FKBP6: variants seen among roughly 807,000 people sequenced by gnomAD.
The protein encoded by FKBP6 is FKBP prolyl isomerase family member 6 (inactive).
A neutral mutation model predicts 41.7 loss-of-function variants in FKBP6; 29 were observed. The observed-to-expected ratio is 0.70, with a 90% CI of 0.52 to 0.95. The LOEUF (loss-of-function observed/expected upper bound fraction) is 0.95, where lower values mean the gene tolerates loss of function less well. FKBP6 is among the 40% of genes least tolerant of loss of function. The probability of loss-of-function intolerance (pLI) is 0.00; values close to 1 mark genes in which losing one functional copy is unlikely to be tolerated. For synonymous variants in FKBP6, 130 were observed against 165.1 expected, an observed-to-expected ratio of 0.79 and a Z score of 1.63; for missense variants, 338 against 408.7, an observed-to-expected ratio of 0.83 and a Z score of 1.49.
At chr7:73,353,952 C>T (rs1554551499) in intron 8 of FKBP6, among the ~76,000 whole-genome samples, 2 of 152,138 alleles carry the variant, frequency 1.3e-5, no homozygotes, top group Admixed American at 6.5e-5. Flanking sequence ...CCAGGCTGGT[C>T]TCAGACTCCT....
chr7:73,340,917 CTTTTTTTTTTTTTT>C (rs368227645), intron 6 of FKBP6, 85 bp downstream of exon 6: 2 of 483,012 alleles, frequency 4.1e-6, no homozygotes, highest in African/African-American at 2.5e-5. Flanking sequence ...AAAATGCTGT[CTTTTTTTTTTTTTT>C]TTTTTTTTTT....
At position 73,329,463 on chromosome 7, in the gene FKBP6, G is replaced by A. The variant is rs782561984; in HGVS notation, c.265+14G>A. The stretch of plus-strand genomic sequence containing the variant: ...AACTTGGAGAGGGTAGGTTCAGAGT[G>A]GGAGCTGGAGAAGAAGGAATTGTTT... On this transcript the variant is annotated intron_variant, in intron 3 of 8. Coordinates refer to ENST00000252037, the MANE Select transcript of FKBP6 (RefSeq NM_003602.5). 4.1e-6 allele frequency: 6 copies of A among 1,466,588 alleles called. No individual in the cohort carries two copies. Among genetic ancestry groups the A allele is most frequent in the Non-Finnish European group, 4.8e-6 (5 of 1,045,282 alleles). The allele number at this position is 1,466,588 out of a possible 1,614,324, so 90.8% of individuals were successfully genotyped here. A position where few individuals can be genotyped will look rare whatever the true frequency, so the allele number is the denominator to read the frequency against.
intron 8 of FKBP6, among the ~76,000 whole-genome samples, chr7:73,343,443 G>T (rs1252743559): frequency 6.6e-6 from 1 of 152,020 alleles, no homozygotes; most frequent in Non-Finnish European, 1.5e-5. Context: ...GGGCTTTGAC[G>T]TGTCAAGCTT....
At chr7:73,357,918 G>A (rs1805679618) in intron 8 of FKBP6, among the ~76,000 whole-genome samples, 1 of 151,534 alleles carries the variant, frequency 6.6e-6, no homozygotes, top group Admixed American at 6.6e-5. Context: ...AACCCGGGAG[G>A]CAGAGGTTGC....
At chr7:73,339,722 T>G (rs1431374787) in intron 5 of FKBP6, among the ~76,000 whole-genome samples, 1 of 151,642 alleles carries the variant, frequency 6.6e-6, no homozygotes, top group Non-Finnish European at 1.5e-5. Flanking sequence ...CAAGTGATTC[T>G]CCTGCCTCAG....
At chr7:73,339,516 T>C (rs1263608843) in intron 5 of FKBP6, among the ~76,000 whole-genome samples, 1 of 152,232 alleles carries the variant, frequency 6.6e-6, no homozygotes, top group Non-Finnish European at 1.5e-5. Flanking sequence ...TTTTTGTCTT[T>C]TAGTAAGTTT....
At chr7:73,339,849 G>A (rs1251316810) in intron 5 of FKBP6, among the ~76,000 whole-genome samples, 4 of 152,062 alleles carry the variant, frequency 2.6e-5, no homozygotes, top group Non-Finnish European at 2.9e-5. Context: ...CCGACCTCAG[G>A]TGATCTGCCC....
intron 8 of FKBP6, among the ~76,000 whole-genome samples, chr7:73,348,452 T>G (rs1167938891): frequency 2.6e-5 from 4 of 152,236 alleles, no homozygotes; most frequent in African/African-American, 9.6e-5. Flanking sequence ...GGGAAGCCTA[T>G]TTCCTTCTAT....
intron 5 of FKBP6, among the ~76,000 whole-genome samples, chr7:73,334,601 T>C (rs1804947577): frequency 6.6e-6 from 1 of 152,144 alleles, no homozygotes; most frequent in Non-Finnish European, 1.5e-5. Context: ...CTGGGCACCA[T>C]AGCAAGATCC....
At chr7:73,339,371 A>T (rs573196119) in intron 5 of FKBP6, among the ~76,000 whole-genome samples, 12 of 152,164 alleles carry the variant, frequency 7.9e-5, no homozygotes, top group Non-Finnish European at 1.5e-4. Flanking sequence ...CTTATTGAAA[A>T]TCAGTTGACT....
At position 73,349,701 on chromosome 7, in the gene FKBP6, A is replaced by C. The variant is rs1805435559; in HGVS notation, c.*2+6802A>C. ...TGCACTCCAGCCTGGCAACAGAGCA[A>C]GACTCCGTCTCAAAAAAAAAAAAAA... On this transcript the variant is annotated intron_variant, in intron 8 of 8. Coordinates refer to ENST00000252037, the MANE Select transcript of FKBP6 (RefSeq NM_003602.5). Among the ~76,000 whole-genome samples, 3 of 146,982 alleles carry C rather than the reference A, an allele frequency of 2.0e-5. No individual in the cohort carries two copies. In the South Asian group the frequency reaches 6.8e-4, roughly 33 times the overall value.
chr7:73,348,447 G>C (rs1554550626), intron 8 of FKBP6, among the ~76,000 whole-genome samples: 1 of 152,210 alleles, frequency 6.6e-6, no homozygotes, highest in African/African-American at 2.4e-5. Context: ...TAGCAGGGAA[G>C]CCTATTTCCT....
chr7:73,330,451 C>G (rs1402613157), intron 4 of FKBP6, 99 bp downstream of exon 4: 4 of 924,054 alleles, frequency 4.3e-6, no homozygotes, highest in Admixed American at 1.9e-5. Flanking sequence ...GCTGATCGTC[C>G]TCTCCAGGGT....
intron 8 of FKBP6, among the ~76,000 whole-genome samples, chr7:73,352,194 C>T (rs1805508503): frequency 6.6e-6 from 1 of 152,134 alleles, no homozygotes. Flanking sequence ...GATCTCCTGG[C>T]CTCAAGCGAT....
intron 5 of FKBP6, among the ~76,000 whole-genome samples, chr7:73,332,607 C>A (rs1050023308): frequency 6.6e-6 from 1 of 151,854 alleles, no homozygotes; most frequent in African/African-American, 2.4e-5. Flanking sequence ...AGAGGACTCA[C>A]GGGATTGGGA....
chr7:73,350,377 C>CT (rs1805456125), intron 8 of FKBP6, among the ~76,000 whole-genome samples: 1 of 152,110 alleles, frequency 6.6e-6, no homozygotes, highest in Non-Finnish European at 1.5e-5. Flanking sequence ...GAGGAGGCCT[C>CT]TGTGTGTATA....
chr7:73,344,526 G>C (rs1805283670), intron 8 of FKBP6, among the ~76,000 whole-genome samples: 1 of 152,042 alleles, frequency 6.6e-6, no homozygotes, highest in African/African-American at 2.4e-5. Context: ...AGTATTTGAG[G>C]CCTAGTCATT....
intron 8 of FKBP6, among the ~76,000 whole-genome samples, chr7:73,352,289 A>G (rs1192544089): frequency 1.3e-5 from 2 of 152,176 alleles, no homozygotes; most frequent in African/African-American, 4.8e-5. Flanking sequence ...CTTTAAGATC[A>G]CTGTGGAGTT....
chr7:73,337,603 C>T (rs1203576120), intron 5 of FKBP6, among the ~76,000 whole-genome samples: 3 of 152,084 alleles, frequency 2.0e-5, no homozygotes, highest in Non-Finnish European at 4.4e-5. Flanking sequence ...TGTGAGCCAT[C>T]GTGTCCGGCC....
Sources: allele counts gnomAD v4.1 joint callset (sites outside exome capture counted in the v4.1 genomes callset), GRCh38; gene constraint gnomAD v4.1.1; transcripts MANE v1.5; gene names NCBI Gene and HGNC (gene_info 2026-07-23, HGNC 2026-07-21).